Variants in PLEKHG4B observed in about 807,000 individuals in gnomAD.
The protein encoded by PLEKHG4B is pleckstrin homology and RhoGEF domain containing G4B.
Under a neutral mutation model 121.3 loss-of-function variants are expected in PLEKHG4B, and 111 were observed. The observed-to-expected ratio is 0.92, with a 90% CI of 0.78 to 1.07. PLEKHG4B has a LOEUF of 1.07. Among genes scored for constraint, PLEKHG4B ranks in the 50% least tolerant of loss-of-function variants. PLEKHG4B has a pLI of 0.00. For missense variants in PLEKHG4B, 1,831 were observed against 1,757.8 expected, an observed-to-expected ratio of 1.04 and a Z score of -0.74; for synonymous variants, 738 against 725.0, an observed-to-expected ratio of 1.02 and a Z score of -0.29.
chr5:104,629 C>G (rs377534655), intron 1 of PLEKHG4B, among the ~76,000 whole-genome samples: 2 of 152,016 alleles, frequency 1.3e-5, no homozygotes, highest in African/African-American at 4.8e-5. Context: ...TATTAATCAC[C>G]GTACAGTATA....
At position 156,731 on chromosome 5, in the gene PLEKHG4B, A is replaced by G; in HGVS notation, c.2349-42A>G. ...GTTGTCACCAAGAGCAGATTCCTCA[A>G]GGGGCCGCCTGGAAGCCTGAGGACT... On this transcript the variant is annotated intron_variant, in intron 10 of 19. Transcript: ENST00000637938. This position sits in a 1 kb window ranked among gnomAD's most constrained non-coding sequence, Gnocchi z 4.4. 1 of 1,526,902 alleles carries G rather than the reference A, an allele frequency of 6.5e-7. No individual in the cohort carries two copies. The highest frequency in any genetic ancestry group is 1.4e-5 in the African/African-American group (1 of 72,564). 94.6% of individuals were successfully genotyped at this position (1,526,902 alleles called of 1,614,324 possible). A position where few individuals can be genotyped will look rare whatever the true frequency, so the allele number is the denominator to read the frequency against.
chr5:94,631 G>A (rs1323917836), intron 1 of PLEKHG4B, among the ~76,000 whole-genome samples: 1 of 151,930 alleles, frequency 6.6e-6, no homozygotes, highest in Non-Finnish European at 1.5e-5. Flanking sequence ...GTTCCATCCT[G>A]AAGGTGTTGG....
At chr5:149,210 T>A (rs1408843405) in intron 6 of PLEKHG4B, among the ~76,000 whole-genome samples, 1 of 151,998 alleles carries the variant, frequency 6.6e-6, no homozygotes, top group Non-Finnish European at 1.5e-5. Context: ...AAAGAAAAAA[T>A]GGACAAATCA....
chr5:130,527 C>T lies in PLEKHG4B; in HGVS notation c.244-8956C>T, dbSNP rs538676067. 2.2e-4 allele frequency among the ~76,000 whole-genome samples: 33 copies of T among 152,224 alleles called. No homozygotes were observed. The South Asian group carries it at 6.0e-3, about 28-fold the overall frequency. On this transcript the variant is annotated intron_variant, in intron 2 of 19. Coordinates refer to ENST00000637938, the MANE Select transcript of PLEKHG4B (RefSeq NM_052909.5). ...CTTTTAGGAATATTGACATTCATGG[C>T]GTGATATGCCTTTGTTATGATCAAA... is the stretch of plus-strand genomic sequence containing the variant.
intron 2 of PLEKHG4B, among the ~76,000 whole-genome samples, chr5:119,025 AT>A: frequency 6.6e-6 from 1 of 151,924 alleles, no homozygotes; most frequent in Admixed American, 6.6e-5. Context: ...TAATTATTTT[AT>A]TTTTAAAATT....
chr5:163,107 T>C lies in PLEKHG4B; in HGVS notation c.3035T>C (p.Leu1012Pro), dbSNP rs1295867891. 4.5e-6 allele frequency: 7 copies of C among 1,564,622 alleles called. No individual in the cohort carries two copies. Among genetic ancestry groups the C allele is most frequent in the Non-Finnish European group, 6.1e-6 (7 of 1,154,812 alleles). Residue 1012 changes from leucine to proline, a missense_variant, in exon 13 of 20, where the codon CTC becomes CCC. By Grantham distance (98) the Leu-to-Pro change is moderately conservative. Transcript: ENST00000637938. ...AWEPAQPLSG[L>P]PGRALLCGQD... Reference sequence around the variant, plus strand: ...GAACCTGCGCAACCACTGTCCGGCCTCCCTGGACGAGCGCTTCTGTGTGGA... The same window carrying C: ...GAACCTGCGCAACCACTGTCCGGCCCCCCTGGACGAGCGCTTCTGTGTGGA...
chr5:167,473 A>G (rs1470026445), intron 13 of PLEKHG4B, among the ~76,000 whole-genome samples: 1 of 146,584 alleles, frequency 6.8e-6, no homozygotes, highest in African/African-American at 2.4e-5. Flanking sequence ...CATTGGTATC[A>G]TCAGGATCGA....
In PLEKHG4B at chr5:157,321, AAC is replaced by A. The variant is rs1304322349; in HGVS notation, c.2487+413_2487+414del. Among the ~76,000 whole-genome samples the A allele has an allele frequency of 6.6e-6, 1 of 151,978 alleles. No homozygotes were observed. The highest frequency in any genetic ancestry group is 1.9e-4 in the East Asian group (1 of 5,166). On this transcript the variant is annotated intron_variant, in intron 11 of 19. Transcript: ENST00000637938. The surrounding 1 kb of genome is among the most constrained non-coding windows in gnomAD (Gnocchi z 4.6). ...CAAGGTTGAGGACGGCAGCCTGGGA[AAC>A]ACCTCCAGATGACCTCAAGAAGTGG... is the stretch of plus-strand genomic sequence containing the variant.
At chr5:142,674 TCA>T (rs1284907714) in intron 3 of PLEKHG4B, among the ~76,000 whole-genome samples, 9 of 152,066 alleles carry the variant, frequency 5.9e-5, no homozygotes, top group Admixed American at 5.2e-4. Flanking sequence ...CCTCACACAA[TCA>T]CACGTGCCAG....
At chr5:134,899 A>G (rs917404682) in intron 2 of PLEKHG4B, among the ~76,000 whole-genome samples, 1 of 152,084 alleles carries the variant, frequency 6.6e-6, no homozygotes, top group Non-Finnish European at 1.5e-5. Flanking sequence ...GATTAAGATA[A>G]CAATTTGTGG....
At position 157,958 on chromosome 5, in the gene PLEKHG4B, C is replaced by A. The variant is rs1328775674; in HGVS notation, c.2487+1047C>A. 6.6e-6 allele frequency among the ~76,000 whole-genome samples: 1 copy of A among 152,116 alleles called. No homozygotes were observed. Among genetic ancestry groups the A allele is most frequent in the Admixed American group, 6.5e-5 (1 of 15,272 alleles). On this transcript the variant is annotated intron_variant, in intron 11 of 19. Transcript: ENST00000637938. The surrounding 1 kb of genome is among the most constrained non-coding windows in gnomAD (Gnocchi z 4.6). The stretch of plus-strand genomic sequence containing the variant: ...CAGACAAAGACGTGCAGCAGGGACG[C>A]GAGGCACTGTGCATGCTCCTGGCCT...
At position 157,354 on chromosome 5, in the gene PLEKHG4B, G is replaced by C. The variant is rs1560936540; in HGVS notation, c.2487+443G>C. Among the ~76,000 whole-genome samples the C allele has an allele frequency of 1.3e-5, 2 of 152,172 alleles. No homozygotes were observed. The highest frequency in any genetic ancestry group is 2.9e-5 in the Non-Finnish European group (2 of 68,036). On this transcript the variant is annotated intron_variant, in intron 11 of 19. Transcript: ENST00000637938. The surrounding 1 kb of genome is among the most constrained non-coding windows in gnomAD (Gnocchi z 4.6). ...CAGATGACCTCAAGAAGTGGCTCTG[G>C]AGGCCAGGGAGAGGCTCAAGGTTTT...
chr5:169,812 G>A (rs1280322114), intron 14 of PLEKHG4B, among the ~76,000 whole-genome samples: 1 of 152,224 alleles, frequency 6.6e-6, no homozygotes, highest in Non-Finnish European at 1.5e-5. Context: ...TGGTGTGACC[G>A]ACTGTGTCCC....
At chr5:101,080 GAAAAA>G (rs1394292389) in intron 1 of PLEKHG4B, among the ~76,000 whole-genome samples, 25 of 95,792 alleles carry the variant, frequency 2.6e-4, no homozygotes, top group Admixed American at 1.7e-3. Flanking sequence ...TAAAGCCCTG[GAAAAA>G]GTCTGTAGGG....
In PLEKHG4B at chr5:156,285, G is replaced by A. The variant is rs1490040596; in HGVS notation, c.2348+75G>A. On this transcript the variant is annotated intron_variant, in intron 10 of 19. Transcript: ENST00000637938. This position sits in a 1 kb window ranked among gnomAD's most constrained non-coding sequence, Gnocchi z 4.4. Reference sequence around the variant, plus strand: ...CTCGGGGGAGTTTGCACCAGGAGGCGTAGCGCTCTGCTCCAAGGAGAGCCC... The same window carrying A: ...CTCGGGGGAGTTTGCACCAGGAGGCATAGCGCTCTGCTCCAAGGAGAGCCC... The A allele has an allele frequency of 5.8e-5, 76 of 1,309,920 alleles. No individual in the cohort carries two copies. The highest frequency in any genetic ancestry group is 4.1e-4 in the East Asian group (15 of 36,888). The allele number at this position is 1,309,920 out of a possible 1,614,324, so 81.1% of individuals were successfully genotyped here. A position where few individuals can be genotyped will look rare whatever the true frequency, so the allele number is the denominator to read the frequency against.
chr5:102,491 C>G (rs1252091988), intron 1 of PLEKHG4B, among the ~76,000 whole-genome samples: 1 of 152,084 alleles, frequency 6.6e-6, no homozygotes, highest in African/African-American at 2.4e-5. Flanking sequence ...GTAAACACTG[C>G]AACCGCCAGT....
chr5:145,460 A>G, intron 6 of PLEKHG4B, among the ~76,000 whole-genome samples: 1 of 152,208 alleles, frequency 6.6e-6, no homozygotes, highest in East Asian at 1.9e-4. Context: ...TCCCAGGCTC[A>G]AGCCATGCTA....
At chr5:132,808 G>A (rs1579266888) in intron 2 of PLEKHG4B, among the ~76,000 whole-genome samples, 1 of 152,292 alleles carries the variant, frequency 6.6e-6, no homozygotes, top group Non-Finnish European at 1.5e-5. Context: ...TTATAGTATA[G>A]TTTGAAGTCG....
At chr5:135,187 C>CAAAAAAAAAAAAAAAAAAAA (rs35601775) in intron 2 of PLEKHG4B, among the ~76,000 whole-genome samples, 2 of 48,780 alleles carry the variant, frequency 4.1e-5, no homozygotes, top group African/African-American at 1.3e-4. Context: ...GACTCCAGCT[C>CAAAAAAAAAAAAAAAAAAAA]AAAAAAAAAA....
Sources: gnomAD v4.1 joint callset for allele counts (sites outside exome capture counted in the v4.1 genomes callset) on GRCh38, gnomAD v4.1.1 for gene constraint, Gnocchi (gnomAD v3.1) non-coding constraint, MANE v1.5 for transcripts, NCBI Gene and HGNC (gene_info 2026-07-23, HGNC 2026-07-21) for gene names.